The following PTPRJ variants were observed in gnomAD, a reference collection of about 807,000 sequenced individuals.
The protein encoded by PTPRJ is receptor-type tyrosine-protein phosphatase eta.
A neutral mutation model predicts 141.3 loss-of-function variants in PTPRJ; 129 were observed. The ratio of observed to expected loss-of-function variants is 0.91; its 90% CI spans 0.79 to 1.06. The LOEUF (loss-of-function observed/expected upper bound fraction) is 1.06. PTPRJ is among the 50% of genes least tolerant of loss of function. PTPRJ has a pLI of 0.00. For synonymous variants in PTPRJ, 610 were observed against 640.5 expected (o/e 0.95, Z 0.72); for missense variants, 1,601 against 1,679.7 (o/e 0.95, Z 0.82).
intron 3 of PTPRJ, among the ~76,000 whole-genome samples, chr11:48,119,128 T>C (rs528808103): frequency 6.6e-6 from 1 of 151,892 alleles, no homozygotes; most frequent in Admixed American, 6.6e-5. Context: ...ATGGACGGCC[T>C]CTCAAAAGGA....
intron 1 of PTPRJ, among the ~76,000 whole-genome samples, chr11:48,042,759 G>GGTGTGTGT (rs757012527): frequency 0.029 from 4,307 of 146,412 alleles, 193 homozygotes; most frequent in African/African-American, 0.1. Flanking sequence ...TGTGTGTAGG[G>GGTGTGTGT]GTGTGTGTGT....
chr11:48,007,695 C>A (rs1052378680), intron 1 of PTPRJ, among the ~76,000 whole-genome samples: 3 of 152,232 alleles, frequency 2.0e-5, no homozygotes, highest in Non-Finnish European at 4.4e-5. Context: ...CTGCACCCGG[C>A]TGAGGCCTTT....
In PTPRJ at chr11:48,118,281, C is replaced by CA. The variant is rs1856617923; in HGVS notation, c.353-2721dup. Among the ~76,000 whole-genome samples, 6 of 152,276 alleles carry CA rather than the reference C, an allele frequency of 3.9e-5. No homozygotes were observed. In the South Asian group the frequency reaches 1.2e-3, roughly 32 times the overall value. On this transcript the variant is annotated intron_variant, in intron 3 of 24. Transcript: ENST00000418331. ...AAATTTTTTTGTAGAGATGGGGTCT[C>CA]ACTGTGTTGCCCAGGCTGCTCTTGA...
chr11:48,163,532 C>T lies in PTPRJ; in HGVS notation c.3633C>T (p.Thr1211=). ...GGCCAGACCACGGTGTTCCCGACAC[C>T]ACTGACCTGCTCATCAACTTCCGGT... ...TSWPDHGVPD[T]TDLLINFRYL... Residue 1211 remains threonine, a synonymous_variant, in exon 23 of 25, where the codon ACC becomes ACT. Coordinates refer to ENST00000418331, the MANE Select transcript of PTPRJ (RefSeq NM_002843.4). The T allele has an allele frequency of 6.2e-7, 1 of 1,613,820 alleles. No homozygotes were observed. Among genetic ancestry groups the T allele is most frequent in the Non-Finnish European group, 8.5e-7 (1 of 1,179,696 alleles).
In PTPRJ at chr11:48,084,616, T is replaced by G. The variant is rs74934747; in HGVS notation, c.97-25442T>G. On this transcript the variant is annotated intron_variant, in intron 1 of 24. Coordinates refer to ENST00000418331, the MANE Select transcript of PTPRJ (RefSeq NM_002843.4). ...GGTGATACAGCTGAGCCCTGATTGG[T>G]TGATACAGCTGAGCTCTGATTGGCT... is the stretch of plus-strand genomic sequence containing the variant. Among the ~76,000 whole-genome samples the G allele has an allele frequency of 2.6e-4, 39 of 152,274 alleles. 4 individuals carry two copies. The East Asian group carries it at 7.5e-3, about 29-fold the overall frequency.
chr11:48,066,021 C>T (rs1001844830), intron 1 of PTPRJ, among the ~76,000 whole-genome samples: 2 of 152,104 alleles, frequency 1.3e-5, no homozygotes, highest in Non-Finnish European at 2.9e-5. Flanking sequence ...GTGGTGTGCA[C>T]CTGTAGTCCC....
chr11:48,154,169 C>T (rs1027977385), intron 19 of PTPRJ, among the ~76,000 whole-genome samples: 2 of 152,206 alleles, frequency 1.3e-5, no homozygotes, highest in African/African-American at 2.4e-5. Flanking sequence ...TCCAAGGTTA[C>T]ACAGGTAGTG....
chr11:48,025,387 G>A (rs932594562), intron 1 of PTPRJ, among the ~76,000 whole-genome samples: 2 of 152,110 alleles, frequency 1.3e-5, no homozygotes, highest in Admixed American at 1.3e-4. Flanking sequence ...TTAAAAGTTG[G>A]CAACCAATTC....
intron 1 of PTPRJ, among the ~76,000 whole-genome samples, chr11:48,068,474 T>C (rs1402197098): frequency 6.6e-6 from 1 of 152,206 alleles, no homozygotes; most frequent in Non-Finnish European, 1.5e-5. Context: ...CCTGCCACCA[T>C]GTAAGATGTG....
intron 1 of PTPRJ, among the ~76,000 whole-genome samples, chr11:48,011,631 T>C (rs1393037496): frequency 6.6e-6 from 1 of 152,146 alleles, no homozygotes; most frequent in African/African-American, 2.4e-5. Flanking sequence ...TTCACACATA[T>C]GATGCTCACT....
At position 48,011,730 on chromosome 11, in the gene PTPRJ, C is replaced by T. The variant is rs567941453; in HGVS notation, c.96+30722C>T. 3.3e-5 allele frequency among the ~76,000 whole-genome samples: 5 copies of T among 152,288 alleles called. No individual in the cohort carries two copies. The South Asian group carries it at 1.0e-3, about 32-fold the overall frequency. ...GGAGTGCAGTAGCACAAACACACCT[C>T]ACTTACTGCAGCCTCAAACTCCCTG... is the stretch of plus-strand genomic sequence containing the variant. On this transcript the variant is annotated intron_variant, in intron 1 of 24. Transcript: ENST00000418331.
intron 4 of PTPRJ, among the ~76,000 whole-genome samples, chr11:48,122,140 C>T (rs944565300): frequency 3.3e-5 from 5 of 152,088 alleles, no homozygotes; most frequent in Non-Finnish European, 7.4e-5. Flanking sequence ...ATGGGAGTCA[C>T]GGGCACCCTG....
At chr11:48,105,123 A>G (rs201737906) in intron 1 of PTPRJ, among the ~76,000 whole-genome samples, 60 of 152,162 alleles carry the variant, frequency 3.9e-4, no homozygotes, top group East Asian at 2.1e-3. Flanking sequence ...CAGGGTCACT[A>G]TGTTGTTTTC....
At chr11:48,146,989 T>C in intron 15 of PTPRJ, 26 bp downstream of exon 15, 1 of 1,581,748 alleles carries the variant, frequency 6.3e-7, no homozygotes, top group Non-Finnish European at 8.7e-7. Flanking sequence ...CTAATAATAA[T>C]ACTCTGGTAT....
At chr11:48,160,201 A>C in intron 22 of PTPRJ, 152 bp downstream of exon 22, 1 of 1,071,230 alleles carries the variant, frequency 9.3e-7, no homozygotes, top group Admixed American at 2.4e-5. Flanking sequence ...ATCCATATGC[A>C]TGTATACTCC....
rs1399149887 is a variant in PTPRJ, at chr11:48,170,613, T to C, written c.*3251T>C. On this transcript the variant is annotated 3_prime_UTR_variant, in exon 25 of 25. Transcript: ENST00000418331. Reference sequence around the variant, plus strand: ...CTGTGTAGCAGCTGTGTGTTTAACATACTGTAGCTTTTTCTCCCTTGGGGG... The same window carrying C: ...CTGTGTAGCAGCTGTGTGTTTAACACACTGTAGCTTTTTCTCCCTTGGGGG... 4.6e-5 allele frequency: 7 copies of C among 152,222 alleles called. No homozygotes were observed. Among genetic ancestry groups the C allele is most frequent in the African/African-American group, 1.7e-4 (7 of 41,456 alleles). 9.4% of individuals were successfully genotyped at this position (152,222 alleles called of 1,614,324 possible). A position where few individuals can be genotyped will look rare whatever the true frequency, so the allele number is the denominator to read the frequency against.
rs1274163370 is a variant in PTPRJ at position 48,137,146 on chromosome 11, G to T, written c.2017G>T (p.Val673Leu). The T allele has an allele frequency of 6.2e-7, 1 of 1,612,754 alleles. No homozygotes were observed. Among genetic ancestry groups the T allele is most frequent in the East Asian group, 2.2e-5 (1 of 44,896 alleles). Residue 673 changes from valine to leucine, a missense_variant, in exon 10 of 25, where the codon GTA (valine) becomes TTA (leucine). Val to Leu is a conservative substitution (Grantham distance 32). Transcript: ENST00000418331. ...TGGAAATTCCAGCAACGCAACACAAGTAGTCACGGACATTGGAATTACTGA... is the reference window on the plus strand; with the variant it reads ...TGGAAATTCCAGCAACGCAACACAATTAGTCACGGACATTGGAATTACTGA... ...KAGNSSNATQ[V>L]VTDIGITDAT...
intron 21 of PTPRJ, 36 bp from the exon 22 acceptor site, chr11:48,159,894 T>C: frequency 6.2e-7 from 1 of 1,612,218 alleles, no homozygotes; most frequent in South Asian, 1.1e-5. Context: ...GATGGCATGA[T>C]CTGAGTCTTC....
intron 1 of PTPRJ, among the ~76,000 whole-genome samples, chr11:48,027,029 G>A (rs1345835073): frequency 1.5e-5 from 2 of 133,530 alleles, no homozygotes; most frequent in Non-Finnish European, 3.1e-5. Context: ...TTTTGAGACG[G>A]CGTCTCGCTT....
Sources: allele counts gnomAD v4.1 joint callset (sites outside exome capture counted in the v4.1 genomes callset), GRCh38; gene constraint gnomAD v4.1.1; transcripts MANE v1.5; gene names NCBI Gene and HGNC (gene_info 2026-07-23, HGNC 2026-07-21).